IQCM: variants seen among roughly 807,000 people sequenced by gnomAD.
IQCM encodes the protein IQ domain-containing protein M.
A neutral mutation model predicts 57.6 loss-of-function variants in IQCM; 45 were observed. That is an observed-to-expected ratio of 0.78 (90% CI 0.62 to 1.00). IQCM has a LOEUF of 1.00. Ranked by LOEUF, IQCM falls within the 50% of genes least tolerant of loss-of-function variation. The pLI is 0.00. For synonymous variants in IQCM, 148 were observed against 158.9 expected (o/e 0.93, Z 0.51); for missense variants, 468 against 511.6 (o/e 0.91, Z 0.82).
At chr4:149,404,020 TTTA>T (rs745659192) in intron 13 of IQCM, among the ~76,000 whole-genome samples, 4 of 151,984 alleles carry the variant, frequency 2.6e-5, no homozygotes, top group Non-Finnish European at 5.9e-5. Context: ...TTAGCAAGCA[TTTA>T]TTAAGTGCTT....
chr4:149,458,272 T>C (rs1328880728), intron 12 of IQCM, among the ~76,000 whole-genome samples: 1 of 151,960 alleles, frequency 6.6e-6, no homozygotes, highest in Non-Finnish European at 1.5e-5. Context: ...CAACAAAGAA[T>C]GTAAAAGGAG....
intron 12 of IQCM, among the ~76,000 whole-genome samples, chr4:149,489,451 A>C (rs991093117): frequency 3.6e-4 from 54 of 152,026 alleles, no homozygotes; most frequent in African/African-American, 1.3e-3. Flanking sequence ...ATAGAAACTC[A>C]ATAATGAGTG....
In IQCM at chr4:149,629,948, C is replaced by A. The variant is rs540936112; in HGVS notation, c.566-8704G>T. Among the ~76,000 whole-genome samples the A allele has an allele frequency of 1.6e-3, 228 of 145,084 alleles. 1 individual carries two copies. Among genetic ancestry groups the A allele is most frequent in the African/African-American group, 5.6e-3 (221 of 39,150 alleles). On this transcript the variant is annotated intron_variant, in intron 7 of 13. Coordinates refer to ENST00000636793, the MANE Select transcript of IQCM (RefSeq NM_001363507.2). ...AAAATGAATGTTTCCTTTAAATATG[C>A]CCTCAATGGCACCTTTTTGGGAGCG...
At chr4:149,619,131 T>TATATATATATATATATATAC (rs1491165190) in intron 8 of IQCM, among the ~76,000 whole-genome samples, 5 of 142,000 alleles carry the variant, frequency 3.5e-5, no homozygotes, top group African/African-American at 8.4e-5. Flanking sequence ...TATATATATA[T>TATATATATATATATATATAC]ACACCATGGA....
chr4:149,658,858 G>C (rs1759882788), intron 7 of IQCM, among the ~76,000 whole-genome samples: 1 of 151,818 alleles, frequency 6.6e-6, no homozygotes, highest in Admixed American at 6.6e-5. Flanking sequence ...TCATTTATTA[G>C]TTCTAATATT....
intron 2 of IQCM, among the ~76,000 whole-genome samples, chr4:149,749,439 A>C (rs547449890): frequency 6.6e-6 from 1 of 152,314 alleles, no homozygotes; most frequent in South Asian, 2.1e-4. Context: ...CATAATCAGG[A>C]CACGGTCTAT....
intron 9 of IQCM, among the ~76,000 whole-genome samples, chr4:149,565,444 T>C (rs1750530885): frequency 6.6e-6 from 1 of 152,180 alleles, no homozygotes; most frequent in Non-Finnish European, 1.5e-5. Context: ...AGTTCTGTCT[T>C]TTCATATTTG....
intron 7 of IQCM, among the ~76,000 whole-genome samples, chr4:149,657,499 G>T: frequency 6.6e-6 from 1 of 152,084 alleles, no homozygotes; most frequent in East Asian, 1.9e-4. Context: ...TCAACAGACA[G>T]AATTCATCTC....
intron 10 of IQCM, among the ~76,000 whole-genome samples, chr4:149,554,067 G>T (rs1345134193): frequency 6.6e-6 from 1 of 151,462 alleles, no homozygotes; most frequent in Non-Finnish European, 1.5e-5. Flanking sequence ...TTATTTTCCT[G>T]TTCTTGACTT....
intron 12 of IQCM, among the ~76,000 whole-genome samples, chr4:149,503,644 G>A (rs1439061401): frequency 1.3e-5 from 2 of 151,804 alleles, no homozygotes; most frequent in Admixed American, 6.6e-5. Flanking sequence ...TTTTTTGAAG[G>A]TATATGCCAG....
At position 149,369,024 on chromosome 4, in the gene IQCM, A is replaced by G. The variant is rs1053198792; in HGVS notation, c.1391-16958T>C. Among the ~76,000 whole-genome samples the G allele has an allele frequency of 2.9e-5, 3 of 102,544 alleles. 1 individual carries two copies. The East Asian group carries it at 8.9e-4, about 30-fold the overall frequency. The allele number at this position is 102,544 out of a possible 152,430, so 67.3% of individuals were successfully genotyped here. A position where few individuals can be genotyped will look rare whatever the true frequency, so the allele number is the denominator to read the frequency against. The stretch of plus-strand genomic sequence containing the variant: ...TATATATATACACGTGTATATATAT[A>G]TATATACATGTGTATATATATATAT... On this transcript the variant is annotated intron_variant, in intron 13 of 13. Coordinates refer to ENST00000636793, the MANE Select transcript of IQCM (RefSeq NM_001363507.2).
rs928036344 is a variant in IQCM at position 149,486,613 on chromosome 4, G to A, written c.1229-53056C>T. Among the ~76,000 whole-genome samples, 6 of 152,154 alleles carry A rather than the reference G, an allele frequency of 3.9e-5. No homozygotes were observed. In the South Asian group the frequency reaches 1.2e-3, roughly 32 times the overall value. On this transcript the variant is annotated intron_variant, in intron 12 of 13. Transcript: ENST00000636793. Reference sequence around the variant, plus strand: ...ATACAAAAATTAGCCAGGTGTGGTGGTGTGCACCTGTAATCCCAGCTACTC... The same window carrying A: ...ATACAAAAATTAGCCAGGTGTGGTGATGTGCACCTGTAATCCCAGCTACTC...
chr4:149,364,590 A>G (rs1192586120), intron 13 of IQCM, among the ~76,000 whole-genome samples: 4 of 152,142 alleles, frequency 2.6e-5, no homozygotes, highest in Non-Finnish European at 5.9e-5. Flanking sequence ...TGCATTGAGG[A>G]TGTCTGCACC....
intron 12 of IQCM, among the ~76,000 whole-genome samples, chr4:149,447,413 C>T: frequency 6.6e-6 from 1 of 151,554 alleles, no homozygotes; most frequent in Non-Finnish European, 1.5e-5. Flanking sequence ...GTTATTATAA[C>T]TATATTCCAC....
intron 12 of IQCM, among the ~76,000 whole-genome samples, chr4:149,469,173 C>A (rs577888761): frequency 6.6e-6 from 1 of 152,304 alleles, no homozygotes; most frequent in African/African-American, 2.4e-5. Flanking sequence ...TAACAAACTT[C>A]TCTGAGCTAA....
At chr4:149,790,268 T>C (rs1772470889) in intron 2 of IQCM, 1 of 262,148 alleles carries the variant, frequency 3.8e-6, no homozygotes, top group Non-Finnish European at 7.7e-6. Flanking sequence ...AATAATGTGA[T>C]GATATGGAGA....
chr4:149,448,190 G>C (rs1736719620), intron 12 of IQCM, among the ~76,000 whole-genome samples: 1 of 151,508 alleles, frequency 6.6e-6, no homozygotes, highest in Non-Finnish European at 1.5e-5. Flanking sequence ...TGACTAAATT[G>C]GAGTTAAGTG....
chr4:149,785,968 T>C (rs1772044926), intron 2 of IQCM, among the ~76,000 whole-genome samples: 1 of 152,192 alleles, frequency 6.6e-6, no homozygotes, highest in African/African-American at 2.4e-5. Context: ...CACTCTAGAA[T>C]CTTTTGATTC....
intron 3 of IQCM, among the ~76,000 whole-genome samples, chr4:149,739,897 C>T (rs1240904206): frequency 2.0e-5 from 3 of 152,124 alleles, no homozygotes; most frequent in East Asian, 3.9e-4. Context: ...TTCATAAAAC[C>T]AGATTTCTCT....
Sources: gnomAD v4.1 joint callset for allele counts (sites outside exome capture counted in the v4.1 genomes callset) on GRCh38, gnomAD v4.1.1 for gene constraint, MANE v1.5 for transcripts, NCBI Gene and HGNC (gene_info 2026-07-23, HGNC 2026-07-21) for gene names.